The following NEBL variants were observed in gnomAD, a reference collection of about 807,000 sequenced individuals.
The protein encoded by NEBL is LIM and SH3 protein 2.
NEBL carries 122 observed loss-of-function variants against 140.2 expected under a neutral mutation model. The ratio of observed to expected loss-of-function variants is 0.87; its 90% CI spans 0.75 to 1.01. The LOEUF is 1.01. Among genes scored for constraint, NEBL ranks in the 50% least tolerant of loss-of-function variants. The probability of loss-of-function intolerance (pLI) is 0.00; values close to 1 mark genes in which losing one functional copy is unlikely to be tolerated. For synonymous variants in NEBL, 436 were observed against 398.9 expected, an observed-to-expected ratio of 1.09 and a Z score of -1.11; for missense variants, 1,365 against 1,231.3, an observed-to-expected ratio of 1.11 and a Z score of -1.62.
At chr10:21,030,565 C>A (rs1833736874) in intron 2 of NEBL, 1 of 710,578 alleles carries the variant, frequency 1.4e-6, no homozygotes, top group African/African-American at 1.8e-5. Context: ...CTCAGACACA[C>A]AGCACGAATA....
rs759287595 is a variant in NEBL at position 20,897,229 on chromosome 10, T to C, written c.-24A>G. 3 of 1,539,564 alleles carry C rather than the reference T, an allele frequency of 1.9e-6. No homozygotes were observed. Among genetic ancestry groups the C allele is most frequent in the Non-Finnish European group, 2.6e-6 (3 of 1,143,212 alleles). ...ATTTTTACCCTTTAAAATATTTATA[T>C]TTTTAAAATTTACTCATGTGGCGTC... On this transcript the variant is annotated 5_prime_UTR_variant, in exon 1 of 28. Coordinates refer to ENST00000377122, the MANE Select transcript of NEBL (RefSeq NM_006393.3).
intron 3 of NEBL, among the ~76,000 whole-genome samples, chr10:21,241,344 C>T (rs1421586862): frequency 1.2e-4 from 18 of 152,048 alleles, no homozygotes; most frequent in Non-Finnish European, 1.8e-4. Context: ...ACCAGGGGGC[C>T]GCCTGCGGGA....
intron 1 of NEBL, among the ~76,000 whole-genome samples, chr10:21,284,165 G>A (rs1010656694): frequency 3.3e-5 from 4 of 122,246 alleles, no homozygotes; most frequent in East Asian, 2.7e-4. Flanking sequence ...AGCCGAGATC[G>A]CACCACTGCA....
intron 2 of NEBL, among the ~76,000 whole-genome samples, chr10:21,138,947 C>T (rs1266796412): frequency 6.6e-6 from 1 of 152,046 alleles, no homozygotes; most frequent in Non-Finnish European, 1.5e-5. Context: ...AATAGCACAT[C>T]GTAATAAATA....
At chr10:21,142,788 A>G (rs1376878525) in intron 2 of NEBL, among the ~76,000 whole-genome samples, 1 of 152,000 alleles carries the variant, frequency 6.6e-6, no homozygotes, top group Non-Finnish European at 1.5e-5. Context: ...CGTGTGAGGG[A>G]TCCCAGTTGT....
intron 2 of NEBL, among the ~76,000 whole-genome samples, chr10:21,073,215 T>C (rs1301991251): frequency 6.6e-6 from 1 of 151,938 alleles, no homozygotes; most frequent in Non-Finnish European, 1.5e-5. Context: ...CCCAGCACTT[T>C]AGGAGGCTGA....
intron 1 of NEBL, among the ~76,000 whole-genome samples, chr10:21,265,107 G>C (rs1176009974): frequency 6.6e-6 from 1 of 151,922 alleles, no homozygotes; most frequent in Non-Finnish European, 1.5e-5. Context: ...GTTTTTAGTA[G>C]AGATGGGGTT....
intron 3 of NEBL, among the ~76,000 whole-genome samples, chr10:21,017,731 A>G (rs1838612150): frequency 6.6e-6 from 1 of 152,094 alleles, no homozygotes; most frequent in Non-Finnish European, 1.5e-5. Flanking sequence ...GACAGTGGTT[A>G]TATCAGATTC....
At chr10:21,165,987 G>A (rs553365887) in intron 2 of NEBL, among the ~76,000 whole-genome samples, 23 of 152,098 alleles carry the variant, frequency 1.5e-4, no homozygotes, top group Non-Finnish European at 2.5e-4. Flanking sequence ...TTGGGAGGCC[G>A]ATGTGGGAGG....
chr10:21,154,130 A>G (rs562971073), intron 2 of NEBL, among the ~76,000 whole-genome samples: 3 of 152,060 alleles, frequency 2.0e-5, no homozygotes, highest in Non-Finnish European at 4.4e-5. Context: ...CAGAGAATAA[A>G]TTGTCTTTAA....
At chr10:21,046,401 A>G (rs1418454751) in intron 2 of NEBL, among the ~76,000 whole-genome samples, 1 of 152,216 alleles carries the variant, frequency 6.6e-6, no homozygotes, top group Admixed American at 6.5e-5. Context: ...TACATATGTT[A>G]AATAGCTTGA....
At chr10:21,121,929 C>A (rs1234817772) in intron 2 of NEBL, among the ~76,000 whole-genome samples, 4 of 152,000 alleles carry the variant, frequency 2.6e-5, no homozygotes, top group Admixed American at 1.3e-4. Flanking sequence ...TTTGATATAC[C>A]AATATTAAGG....
At chr10:21,249,616 T>G (rs1842561944) in intron 2 of NEBL, among the ~76,000 whole-genome samples, 1 of 150,282 alleles carries the variant, frequency 6.7e-6, no homozygotes, top group Admixed American at 6.6e-5. Context: ...TATTTTATTT[T>G]TATCTATTTT....
intron 5 of NEBL, among the ~76,000 whole-genome samples, chr10:20,879,868 T>G (rs1845852852): frequency 6.6e-6 from 1 of 152,180 alleles, no homozygotes; most frequent in African/African-American, 2.4e-5. Flanking sequence ...GAAATTACTC[T>G]TCTAGGCCAC....
intron 5 of NEBL, among the ~76,000 whole-genome samples, chr10:20,871,334 T>C (rs974394116): frequency 2.0e-5 from 3 of 152,236 alleles, no homozygotes; most frequent in Non-Finnish European, 2.9e-5. Flanking sequence ...AATCTAATTT[T>C]AATGAATTCC....
intron 4 of NEBL, among the ~76,000 whole-genome samples, chr10:20,905,162 A>G (rs1848037065): frequency 6.6e-6 from 1 of 152,240 alleles, no homozygotes; most frequent in Admixed American, 6.5e-5. Context: ...TTACACAAAC[A>G]CATGAAAAAC....
chr10:21,242,584 C>T (rs1477827526), intron 3 of NEBL, among the ~76,000 whole-genome samples: 2 of 152,088 alleles, frequency 1.3e-5, no homozygotes, highest in African/African-American at 4.8e-5. Flanking sequence ...AACAAACCTG[C>T]ACATGTACCC....
At chr10:20,798,554 G>T (rs1836799052) in intron 26 of NEBL, among the ~76,000 whole-genome samples, 1 of 152,108 alleles carries the variant, frequency 6.6e-6, no homozygotes, top group Non-Finnish European at 1.5e-5. Context: ...CATTTCATTT[G>T]CTAATGTTCA....
intron 3 of NEBL, among the ~76,000 whole-genome samples, chr10:20,967,868 G>C (rs768838818): frequency 6.6e-6 from 1 of 152,046 alleles, no homozygotes; most frequent in East Asian, 1.9e-4. Context: ...ACTATCTCAC[G>C]ATAAGAATAT....
Sources: gnomAD v4.1 joint callset for allele counts (sites outside exome capture counted in the v4.1 genomes callset) on GRCh38, gnomAD v4.1.1 for gene constraint, MANE v1.5 for transcripts, NCBI Gene and HGNC (gene_info 2026-07-23, HGNC 2026-07-21) for gene names.